TSC2: variants seen among roughly 807,000 people sequenced by gnomAD.
The protein encoded by TSC2 is tuberin.
Under a neutral mutation model 202.2 loss-of-function variants are expected in TSC2, and 29 were observed. The ratio of observed to expected loss-of-function variants is 0.14; its 90% confidence interval spans 0.11 to 0.20. TSC2 has a LOEUF of 0.20. TSC2 is among the 10% of genes least tolerant of loss of function. The probability of loss-of-function intolerance (pLI) is 1.00; values close to 1 mark genes in which losing one functional copy is unlikely to be tolerated. For missense variants in TSC2, 2,429 were observed against 2,420.0 expected (o/e 1.00, Z -0.08); for synonymous variants, 1,349 against 1,044.0 (o/e 1.29, Z -5.63).
chr16:2,070,304 G>A, intron 16 of TSC2, 152 bp from the exon 17 acceptor site: 1 of 1,340,462 alleles, frequency 7.5e-7, no homozygotes, highest in Non-Finnish European at 1.0e-6. Context: ...GCTGTGGAGA[G>A]AGAGTCCTGG....
chr16:2,075,626 G>A (rs1423987268), intron 22 of TSC2, among the ~76,000 whole-genome samples, 173 bp from the exon 23 acceptor site: 1 of 152,080 alleles, frequency 6.6e-6, no homozygotes, highest in East Asian at 1.9e-4. Flanking sequence ...GCTGTGGTTG[G>A]CTGGCCATGG....
rs137854421 is a variant in TSC2, at chr16:2,080,324, A to C, written c.3557A>C (p.Tyr1186Ser). The C allele has an allele frequency of 6.2e-7, 1 of 1,612,714 alleles. No homozygotes were observed. Among genetic ancestry groups the C allele is most frequent in the South Asian group, 1.1e-5 (1 of 91,072 alleles). ...PVQEKTNLAA[Y>S]VPLLTQGWAE... ...CAGGAGAAGACGAACCTGGCGGCCT[A>C]TGTGCCCCTGCTGACCCAGGGCTGG... is the stretch of plus-strand genomic sequence containing the variant. The change falls in exon 30 of 42, where the codon TAT becomes TCT. Residue 1186 changes from tyrosine to serine, a missense_variant. By Grantham distance (144) the Tyr-to-Ser change is moderately radical. Transcript: ENST00000219476.
chr16:2,082,115 A>G (rs1596402424), intron 31 of TSC2: 1 of 588,074 alleles, frequency 1.7e-6, no homozygotes. Flanking sequence ...GCCTGGGCCC[A>G]GGTTTGGACA....
intron 3 of TSC2, among the ~76,000 whole-genome samples, 154 bp downstream of exon 3, chr16:2,050,640 C>T (rs539461612): frequency 2.0e-4 from 28 of 138,970 alleles, no homozygotes; most frequent in East Asian, 1.1e-3. Flanking sequence ...CTTGCTCTGT[C>T]GCCCAGGCTG....
intron 24 of TSC2, 129 bp from the exon 25 acceptor site, chr16:2,076,362 G>A: frequency 6.4e-7 from 1 of 1,574,416 alleles, no homozygotes; most frequent in Non-Finnish European, 8.6e-7. Flanking sequence ...TTGAGGGGTG[G>A]GAGCTGGGTG....
Position 2,079,949 on chromosome 16 carries a change from C to T in TSC2, c.3398-216C>T, listed in dbSNP as rs774262191. 3.9e-5 allele frequency among the ~76,000 whole-genome samples: 6 copies of T among 152,226 alleles called. No individual in the cohort carries two copies. Among genetic ancestry groups the T allele is most frequent in the South Asian group, 2.1e-4 (1 of 4,832 alleles). ...GGAGCCCTTCTCTGCTCCAGCGAGC[C>T]GTGGTCTGACTGCAGGACAGGTTCT... On this transcript the variant is annotated intron_variant, in intron 29 of 41. Coordinates refer to ENST00000219476, the MANE Select transcript of TSC2 (RefSeq NM_000548.5). The surrounding 1 kb of genome is among the most constrained non-coding windows in gnomAD (Gnocchi z 4.6).
intron 16 of TSC2, among the ~76,000 whole-genome samples, chr16:2,070,190 G>A (rs956574104): frequency 6.6e-6 from 1 of 152,186 alleles, no homozygotes; most frequent in Non-Finnish European, 1.5e-5. Context: ...ATTCTGCCCT[G>A]TCTGCCACGC....
At chr16:2,083,927 A>G (rs1425029658) in intron 33 of TSC2, 111 bp downstream of exon 33, 1 of 1,468,740 alleles carries the variant, frequency 6.8e-7, no homozygotes, top group Non-Finnish European at 9.0e-7. Flanking sequence ...AACTTGGGGG[A>G]GATGTTCTTC....
chr16:2,081,072 C>T (rs569529563), intron 30 of TSC2: 5 of 224,196 alleles, frequency 2.2e-5, no homozygotes, highest in Non-Finnish European at 4.5e-5. Context: ...GCTTAGGGTC[C>T]GCTCTGGTCC....
chr16:2,079,691 C>G lies in TSC2; in HGVS notation c.3397+22C>G. ...TCGGGTGAGCCTTGGCCCCAGCCAC[C>G]TCCACACAGGCACCGGGGCTCCCTC... is the stretch of plus-strand genomic sequence containing the variant. On this transcript the variant is annotated intron_variant, in intron 29 of 41. Transcript: ENST00000219476. The surrounding 1 kb of genome is among the most constrained non-coding windows in gnomAD (Gnocchi z 4.6). 1 of 1,561,092 alleles carries G rather than the reference C, an allele frequency of 6.4e-7. No homozygotes were observed. Among genetic ancestry groups the G allele is most frequent in the Non-Finnish European group, 8.7e-7 (1 of 1,153,486 alleles).
rs754466663 is a variant in TSC2 at position 2,082,491 on chromosome 16, C to T, written c.3870C>T (p.Ser1290=). The T allele has an allele frequency of 1.2e-5, 20 of 1,611,870 alleles. No homozygotes were observed. Among genetic ancestry groups the T allele is most frequent in the African/African-American group, 1.1e-4 (8 of 74,936 alleles). ...QSSCQGQLHR[S]VSWADSAVVM... is the part of the protein sequence containing the mutation. The stretch of plus-strand genomic sequence containing the variant: ...GCTGCCAAGGACAGCTGCACAGGAG[C>T]GTTTCCTGGGCAGGTATCGCCTCTC... The change falls in exon 32 of 42, where the codon AGC becomes AGT. Residue 1290 remains serine, a synonymous_variant. Coordinates refer to ENST00000219476, the MANE Select transcript of TSC2 (RefSeq NM_000548.5).
At chr16:2,065,666 G>A (rs767673017) in intron 16 of TSC2, 31 bp downstream of exon 16, 29 of 1,589,598 alleles carry the variant, frequency 1.8e-5, no homozygotes, top group Middle Eastern at 3.4e-4. Context: ...CTCTGCTCCC[G>A]GGGCGCGCAT....
chr16:2,065,465 G>C, intron 15 of TSC2, 54 bp from the exon 16 acceptor site: 1 of 1,349,822 alleles, frequency 7.4e-7, no homozygotes, highest in Non-Finnish European at 1.1e-6. Context: ...TGTTCTCACG[G>C]CTGCTGACTC....
At chr16:2,049,392 G>A (rs1402514061) in intron 2 of TSC2, among the ~76,000 whole-genome samples, 11 of 152,092 alleles carry the variant, frequency 7.2e-5, no homozygotes, top group East Asian at 1.9e-4. Flanking sequence ...GGGCTAGGTC[G>A]TTATCTTTTA....
intron 16 of TSC2, among the ~76,000 whole-genome samples, chr16:2,067,663 G>C (rs183703305): frequency 6.6e-6 from 1 of 152,250 alleles, no homozygotes; most frequent in Admixed American, 6.5e-5. Flanking sequence ...CCAGCTACTC[G>C]GGAGGCTGAG....
At chr16:2,083,428 G>A (rs2090376212) in intron 32 of TSC2, 1 of 594,798 alleles carries the variant, frequency 1.7e-6, no homozygotes, top group Non-Finnish European at 3.1e-6. Context: ...GCACAGGGGT[G>A]GCTGCTGGTG....
intron 22 of TSC2, among the ~76,000 whole-genome samples, chr16:2,075,557 C>T (rs1185437470): frequency 3.5e-5 from 5 of 142,504 alleles, no homozygotes; most frequent in Admixed American, 6.9e-5. Flanking sequence ...AAAAGAGGTG[C>T]GGAAGCCTTT....
chr16:2,083,858 G>T, intron 33 of TSC2, 42 bp downstream of exon 33: 1 of 1,591,160 alleles, frequency 6.3e-7, no homozygotes, highest in Middle Eastern at 1.8e-4. Flanking sequence ...ACCTCGGGGG[G>T]CTCCTTAGGG....
rs45517203 is a variant in TSC2 at position 2,070,558 on chromosome 16, G to A, written c.1819G>A (p.Ala607Thr). 8.8e-4 allele frequency: 1,420 copies of A among 1,613,166 alleles called. 1 individual carries two copies. Among genetic ancestry groups the A allele is most frequent in the Non-Finnish European group, 1.1e-3 (1,247 of 1,180,030 alleles). The change falls in exon 17 of 42, where the codon GCG (alanine) becomes ACG (threonine). Residue 607 changes from alanine (A) to threonine (T), a missense_variant. Physicochemically the swap from Ala to Thr is moderately conservative, Grantham distance 58. Coordinates refer to ENST00000219476, the MANE Select transcript of TSC2 (RefSeq NM_000548.5). ...HYKHSYTLPI[A>T]SSIRLQAFDF... ...CAAGCACAGCTACACCCTGCCAATC[G>A]CGAGCAGCATCCGGCTGCAGGTATG...
Sources: allele counts gnomAD v4.1 joint callset (sites outside exome capture counted in the v4.1 genomes callset), GRCh38; gene constraint gnomAD v4.1.1; non-coding constraint Gnocchi (gnomAD v3.1); transcripts MANE v1.5; gene names NCBI Gene and HGNC (gene_info 2026-07-23, HGNC 2026-07-21).